NIM1K: variants seen among roughly 807,000 people sequenced by gnomAD.
The protein encoded by NIM1K is NIM1 serine/threonine protein kinase.
Under a neutral mutation model 37.1 loss-of-function variants are expected in NIM1K, and 35 were observed. The observed-to-expected ratio is 0.94, with a 90% CI of 0.72 to 1.25. NIM1K has a LOEUF of 1.25. Among genes scored for constraint, NIM1K ranks in the 50% most tolerant of loss-of-function variants. NIM1K has a pLI of 0.00. For missense variants in NIM1K, 564 were observed against 548.0 expected, an observed-to-expected ratio of 1.03 and a Z score of -0.29; for synonymous variants, 234 against 206.6, an observed-to-expected ratio of 1.13 and a Z score of -1.14.
chr5:43,221,548 C>T (rs1284395275), intron 1 of NIM1K, among the ~76,000 whole-genome samples: 1 of 151,920 alleles, frequency 6.6e-6, no homozygotes. Context: ...AAGACCAATT[C>T]TCCAATTGGG....
At chr5:43,198,177 T>TTC (rs1300283373) in intron 1 of NIM1K, among the ~76,000 whole-genome samples, 11 of 59,412 alleles carry the variant, frequency 1.9e-4, no homozygotes, top group African/African-American at 4.4e-4. Flanking sequence ...CTTTCTTTCT[T>TTC]TCTTTCTTTC....
chr5:43,238,930 A>G (rs1259159381), intron 1 of NIM1K, among the ~76,000 whole-genome samples: 1 of 113,680 alleles, frequency 8.8e-6, no homozygotes, highest in Non-Finnish European at 1.6e-5. Context: ...GAAAGTAACA[A>G]CCTATCTTTG....
chr5:43,276,413 G>A (rs1036716028), intron 2 of NIM1K, among the ~76,000 whole-genome samples: 8 of 152,228 alleles, frequency 5.3e-5, no homozygotes, highest in South Asian at 2.1e-4. Flanking sequence ...TGAACTCAGA[G>A]CGAGAGCTCA....
At position 43,280,794 on chromosome 5, in the gene NIM1K, C is replaced by A; in HGVS notation, c.*65C>A. 7.1e-7 allele frequency: 1 copy of A among 1,402,548 alleles called. No individual in the cohort carries two copies. The highest frequency in any genetic ancestry group is 9.6e-7 in the Non-Finnish European group (1 of 1,044,716). 86.9% of individuals were successfully genotyped at this position (1,402,548 alleles called of 1,614,324 possible). On this transcript the variant is annotated 3_prime_UTR_variant, in exon 4 of 4. Coordinates refer to ENST00000326035, the MANE Select transcript of NIM1K (RefSeq NM_153361.4). ...GCTGCTTCTAAATTTTTTTCAAGGA[C>A]AACTTGAGTGGAGACATTTTTGTAA...
intron 1 of NIM1K, among the ~76,000 whole-genome samples, chr5:43,214,580 C>T (rs1480947125): frequency 6.6e-6 from 1 of 150,994 alleles, no homozygotes; most frequent in African/African-American, 2.4e-5. Context: ...CTTTGGGAGG[C>T]CGAAGCGGGC....
intron 1 of NIM1K, among the ~76,000 whole-genome samples, chr5:43,235,256 T>C (rs753769757): frequency 3.9e-5 from 6 of 152,248 alleles, no homozygotes; most frequent in Non-Finnish European, 5.9e-5. Context: ...TTCTTCATTT[T>C]AAATTAGAGT....
intron 2 of NIM1K, among the ~76,000 whole-genome samples, chr5:43,252,963 T>C (rs1396616381): frequency 6.6e-6 from 1 of 150,854 alleles, no homozygotes; most frequent in African/African-American, 2.4e-5. Context: ...AATTCATTCT[T>C]TCCTTCCTTC....
chr5:43,255,195 T>C lies in NIM1K; in HGVS notation c.292+9128T>C, dbSNP rs998976471. Among the ~76,000 whole-genome samples the C allele has an allele frequency of 3.3e-5, 5 of 152,194 alleles. No individual in the cohort carries two copies. The East Asian group carries it at 9.7e-4, about 29-fold the overall frequency. The stretch of plus-strand genomic sequence containing the variant: ...ACATGGAAGATGGGCAGGACATGAG[T>C]GTAAGTGAAAAGCCAGGTGCAAATG... On this transcript the variant is annotated intron_variant, in intron 2 of 3. Coordinates refer to ENST00000326035, the MANE Select transcript of NIM1K (RefSeq NM_153361.4).
At chr5:43,213,255 T>C (rs1752242213) in intron 1 of NIM1K, among the ~76,000 whole-genome samples, 1 of 150,508 alleles carries the variant, frequency 6.6e-6, no homozygotes, top group Non-Finnish European at 1.5e-5. Context: ...TCTTTCTTGT[T>C]CTTTCTTGTT....
chr5:43,206,172 A>G (rs929672607), intron 1 of NIM1K, among the ~76,000 whole-genome samples: 7 of 152,118 alleles, frequency 4.6e-5, no homozygotes, highest in Non-Finnish European at 1.0e-4. Context: ...TCAAAGTGTG[A>G]GCAGAGTTCA....
intron 1 of NIM1K, among the ~76,000 whole-genome samples, chr5:43,220,972 C>T (rs1752372736): frequency 6.6e-6 from 1 of 152,164 alleles, no homozygotes; most frequent in Non-Finnish European, 1.5e-5. Flanking sequence ...GCCCTCATGA[C>T]ATCCCCTCTC....
chr5:43,265,556 G>T (rs1285013566), intron 2 of NIM1K, among the ~76,000 whole-genome samples: 1 of 152,122 alleles, frequency 6.6e-6, no homozygotes, highest in Non-Finnish European at 1.5e-5. Context: ...TTTGAGATGG[G>T]TTCGAACATC....
chr5:43,206,585 A>G, intron 1 of NIM1K: 1 of 569,496 alleles, frequency 1.8e-6, no homozygotes. Context: ...AAGGCTGAAT[A>G]AGAAACGAGC....
In NIM1K at chr5:43,250,867, G is replaced by A. The variant is rs144677272; in HGVS notation, c.292+4800G>A. Among the ~76,000 whole-genome samples, 62 of 152,306 alleles carry A rather than the reference G, an allele frequency of 4.1e-4. No homozygotes were observed. The South Asian group carries it at 4.8e-3, about 12-fold the overall frequency. ...TTCAGATGTTAGATTCCAATAGAAA[G>A]GAAGCAGGATGGGACAGTAGGAAAA... On this transcript the variant is annotated intron_variant, in intron 2 of 3. Transcript: ENST00000326035.
intron 1 of NIM1K, chr5:43,206,845 A>G (rs1273952536): frequency 2.6e-6 from 2 of 767,550 alleles, no homozygotes; most frequent in Non-Finnish European, 4.9e-6. Flanking sequence ...GACCATGGCT[A>G]TTTAGCAACA....
intron 1 of NIM1K, among the ~76,000 whole-genome samples, chr5:43,215,310 T>C (rs1310540200): frequency 6.6e-6 from 1 of 152,242 alleles, no homozygotes; most frequent in Non-Finnish European, 1.5e-5. Context: ...GTTCCTGCTC[T>C]GGGGAGGGAA....
At chr5:43,248,960 C>T (rs998545259) in intron 2 of NIM1K, among the ~76,000 whole-genome samples, 6 of 151,844 alleles carry the variant, frequency 4.0e-5, no homozygotes, top group Admixed American at 6.6e-5. Flanking sequence ...CCTCAACCTC[C>T]GCCTCCCAGG....
At chr5:43,240,800 G>A (rs1015495239) in intron 1 of NIM1K, among the ~76,000 whole-genome samples, 1 of 151,838 alleles carries the variant, frequency 6.6e-6, no homozygotes, top group Non-Finnish European at 1.5e-5. Flanking sequence ...GCCTCCCAAA[G>A]TGCTGGTATT....
At chr5:43,233,115 G>T in intron 1 of NIM1K, 2 of 1,344,748 alleles carry the variant, frequency 1.5e-6, no homozygotes, top group African/African-American at 1.4e-5. Flanking sequence ...AGGGCTCCCA[G>T]CAGGCATTGC....
Sources: gnomAD v4.1 joint callset for allele counts (sites outside exome capture counted in the v4.1 genomes callset) on GRCh38, gnomAD v4.1.1 for gene constraint, MANE v1.5 for transcripts, NCBI Gene and HGNC (gene_info 2026-07-23, HGNC 2026-07-21) for gene names.